EXOC6B: variants seen among roughly 807,000 people sequenced by gnomAD.
The protein encoded by EXOC6B is exocyst complex component 6B.
A neutral mutation model predicts 113.5 loss-of-function variants in EXOC6B; 54 were observed. That is an observed-to-expected ratio of 0.48 (90% confidence interval 0.38 to 0.60). The LOEUF (loss-of-function observed/expected upper bound fraction) is 0.60, where lower values mean the gene tolerates loss of function less well. Among genes scored for constraint, EXOC6B ranks in the 20% least tolerant of loss-of-function variants. EXOC6B has a pLI of 0.00. For missense variants in EXOC6B, 797 were observed against 977.5 expected (o/e 0.82, Z 2.46); for synonymous variants, 357 against 339.0 (o/e 1.05, Z -0.58).
At chr2:72,479,858 C>T (rs533770123) in intron 17 of EXOC6B, among the ~76,000 whole-genome samples, 2 of 152,080 alleles carry the variant, frequency 1.3e-5, no homozygotes, top group African/African-American at 2.4e-5. Flanking sequence ...TATAAAATTG[C>T]TAACTGGAAA....
chr2:72,821,407 C>T (rs1459172041), intron 1 of EXOC6B, among the ~76,000 whole-genome samples: 1 of 152,080 alleles, frequency 6.6e-6, no homozygotes, highest in Non-Finnish European at 1.5e-5. Context: ...GAAAAACAGT[C>T]TAGCAGTTCC....
chr2:72,457,209 A>G (rs752899257), intron 18 of EXOC6B, among the ~76,000 whole-genome samples: 3 of 152,126 alleles, frequency 2.0e-5, no homozygotes, highest in Non-Finnish European at 4.4e-5. Flanking sequence ...GAGTACTGAC[A>G]GTTTGTACTG....
intron 20 of EXOC6B, among the ~76,000 whole-genome samples, chr2:72,194,507 C>T (rs1679037595): frequency 2.0e-5 from 3 of 152,010 alleles, no homozygotes; most frequent in Admixed American, 1.3e-4. Context: ...TTTACAAACC[C>T]AACCCCTCAA....
chr2:72,665,208 C>A (rs1675302823), intron 6 of EXOC6B, among the ~76,000 whole-genome samples: 1 of 152,282 alleles, frequency 6.6e-6, no homozygotes, highest in Admixed American at 6.5e-5. Flanking sequence ...GAAGGGGGCT[C>A]CCCTAAGGCC....
chr2:72,213,174 A>G (rs1296638843), intron 20 of EXOC6B, among the ~76,000 whole-genome samples: 1 of 152,210 alleles, frequency 6.6e-6, no homozygotes, highest in Admixed American at 6.5e-5. Context: ...CCTCCCAGCC[A>G]ACCCTGCCAA....
At chr2:72,186,815 G>C (rs1678463732) in intron 20 of EXOC6B, among the ~76,000 whole-genome samples, 1 of 152,234 alleles carries the variant, frequency 6.6e-6, no homozygotes, top group African/African-American at 2.4e-5. Flanking sequence ...GAAGTCACTA[G>C]TGGACAGTGG....
At chr2:72,652,773 TA>T (rs1170718031) in intron 6 of EXOC6B, among the ~76,000 whole-genome samples, 3 of 147,914 alleles carry the variant, frequency 2.0e-5, no homozygotes, top group African/African-American at 7.4e-5. Flanking sequence ...TAGTAATATA[TA>T]ATATACGTAA....
chr2:72,748,264 T>C (rs1054860091), intron 1 of EXOC6B, among the ~76,000 whole-genome samples: 1 of 152,070 alleles, frequency 6.6e-6, no homozygotes, highest in Non-Finnish European at 1.5e-5. Flanking sequence ...ACTTCTGTCA[T>C]GGTTTTATTC....
intron 6 of EXOC6B, among the ~76,000 whole-genome samples, chr2:72,672,607 C>T (rs1675983332): frequency 6.6e-6 from 1 of 150,488 alleles, no homozygotes; most frequent in African/African-American, 2.4e-5. Flanking sequence ...TATATATACA[C>T]AATGGAATAC....
chr2:72,476,920 G>A (rs1265744126), intron 17 of EXOC6B, among the ~76,000 whole-genome samples: 1 of 152,014 alleles, frequency 6.6e-6, no homozygotes, highest in African/African-American at 2.4e-5. Flanking sequence ...TCCATTCTCT[G>A]CCTATAAATA....
chr2:72,381,745 T>G (rs1417466534), intron 18 of EXOC6B, among the ~76,000 whole-genome samples: 3 of 152,172 alleles, frequency 2.0e-5, no homozygotes, highest in African/African-American at 7.2e-5. Context: ...CTGCTTATGG[T>G]ATGTTCTGAT....
At chr2:72,294,452 T>C (rs1685996169) in intron 20 of EXOC6B, among the ~76,000 whole-genome samples, 1 of 152,110 alleles carries the variant, frequency 6.6e-6, no homozygotes. Flanking sequence ...CCAGCTAATT[T>C]TTGTTTTCCT....
At chr2:72,580,046 C>A (rs1705117053) in intron 6 of EXOC6B, among the ~76,000 whole-genome samples, 1 of 151,282 alleles carries the variant, frequency 6.6e-6, no homozygotes, top group Non-Finnish European at 1.5e-5. Context: ...CATGTGAAGT[C>A]TCTTGAATTA....
intron 20 of EXOC6B, among the ~76,000 whole-genome samples, chr2:72,307,295 AC>A: frequency 6.6e-6 from 1 of 151,438 alleles, no homozygotes; most frequent in Non-Finnish European, 1.5e-5. Context: ...GTGCACTACC[AC>A]GTCCGGCTAT....
chr2:72,659,629 A>C (rs1674859814), intron 6 of EXOC6B, among the ~76,000 whole-genome samples: 1 of 152,128 alleles, frequency 6.6e-6, no homozygotes, highest in African/African-American at 2.4e-5. Context: ...CAGTGACCAC[A>C]GTGTTGGAAA....
chr2:72,461,324 AT>A (rs1697653824), intron 18 of EXOC6B, among the ~76,000 whole-genome samples: 1 of 151,110 alleles, frequency 6.6e-6, no homozygotes, highest in African/African-American at 2.4e-5. Flanking sequence ...TAACCTGTAC[AT>A]TGTGCACATG....
At chr2:72,199,216 T>A (rs895411594) in intron 20 of EXOC6B, among the ~76,000 whole-genome samples, 1 of 152,122 alleles carries the variant, frequency 6.6e-6, no homozygotes, top group Non-Finnish European at 1.5e-5. Flanking sequence ...CTATTTAGAT[T>A]TTCAAGGTGA....
intron 1 of EXOC6B, among the ~76,000 whole-genome samples, chr2:72,746,911 C>T (rs1246607790): frequency 2.0e-5 from 3 of 152,022 alleles, no homozygotes; most frequent in Non-Finnish European, 1.5e-5. Context: ...ACAAAGCTCT[C>T]ATTGTACACT....
chr2:72,480,475 G>A (rs1303706037), intron 17 of EXOC6B, 141 bp downstream of exon 17: 2 of 790,192 alleles, frequency 2.5e-6, no homozygotes, highest in East Asian at 3.1e-5. Context: ...AGAAAATAGA[G>A]AAGGGAAACC....
Sources: gnomAD v4.1 joint callset for allele counts (sites outside exome capture counted in the v4.1 genomes callset) on GRCh38, gnomAD v4.1.1 for gene constraint, MANE v1.5 for transcripts, NCBI Gene and HGNC (gene_info 2026-07-23, HGNC 2026-07-21) for gene names.